The following CGREF1 variants were observed in gnomAD, a reference collection of about 807,000 sequenced individuals.
CGREF1 encodes the protein cell growth regulator with EF hand domain protein 1.
A neutral mutation model predicts 17.4 loss-of-function variants in CGREF1; 16 were observed. That is an observed-to-expected ratio of 0.92 (90% CI 0.62 to 1.40). The LOEUF (loss-of-function observed/expected upper bound fraction) is 1.40. CGREF1 is among the 40% of genes most tolerant of loss of function. The probability of loss-of-function intolerance (pLI) is 0.00; values close to 1 mark genes in which losing one functional copy is unlikely to be tolerated. For synonymous variants in CGREF1, 142 were observed against 154.6 expected, an observed-to-expected ratio of 0.92 and a Z score of 0.61; for missense variants, 296 against 376.4, an observed-to-expected ratio of 0.79 and a Z score of 1.77.
rs781507669 is a variant in CGREF1 at position 27,109,139 on chromosome 2, G to A, written c.-11-4762C>T. Among the ~76,000 whole-genome samples the A allele has an allele frequency of 2.4e-4, 37 of 152,130 alleles. 1 individual carries two copies. The highest frequency in any genetic ancestry group is 2.0e-3 in the Admixed American group (31 of 15,276). On this transcript the variant is annotated intron_variant, in intron 1 of 5. Transcript: ENST00000402394. ...AATCCCAGCACTTTGGGAAGCTGAG[G>A]TGGAAGGATCTCCTGAGCCCAGGAG...
At chr2:27,116,360 C>T (rs1187973600) in intron 1 of CGREF1, among the ~76,000 whole-genome samples, 1 of 151,892 alleles carries the variant, frequency 6.6e-6, no homozygotes, top group Non-Finnish European at 1.5e-5. Context: ...AACCCCATCT[C>T]TACTAAAAAT....
Position 27,100,723 on chromosome 2 carries a change from A to AAAT in CGREF1, c.*548_*550dup, listed in dbSNP as rs1277296336. ...TGGCTACAGAATTATTGTGAGGATA[A>AAAT]AATCATATATAAAATGCCCAGCATG... On this transcript the variant is annotated 3_prime_UTR_variant, in exon 6 of 6. Transcript: ENST00000402394. 2 of 1,135,264 alleles carry AAAT rather than the reference A, an allele frequency of 1.8e-6. No homozygotes were observed. Among genetic ancestry groups the AAAT allele is most frequent in the Non-Finnish European group, 2.2e-6 (2 of 893,518 alleles). The allele number at this position is 1,135,264 out of a possible 1,614,324, so 70.3% of individuals were successfully genotyped here. A position where few individuals can be genotyped will look rare whatever the true frequency, so the allele number is the denominator to read the frequency against.
At chr2:27,102,726 T>A in intron 2 of CGREF1, 135 bp from the exon 3 acceptor site, 2 of 1,046,542 alleles carry the variant, frequency 1.9e-6, no homozygotes, top group African/African-American at 3.2e-5. Flanking sequence ...CCAAAAACCC[T>A]GTAGTGGGGA....
chr2:27,101,991 GC>G, intron 5 of CGREF1, 103 bp from the exon 6 acceptor site: 1 of 1,560,928 alleles, frequency 6.4e-7, no homozygotes, highest in South Asian at 1.2e-5. Context: ...CAAGCTCTGA[GC>G]CCTCCTTTTA....
intron 1 of CGREF1, among the ~76,000 whole-genome samples, chr2:27,118,336 C>A (rs76588957): frequency 1.3e-5 from 2 of 152,152 alleles, no homozygotes; most frequent in African/African-American, 2.4e-5. Flanking sequence ...GAGTAGAATC[C>A]TCTCCCTTAA....
intron 2 of CGREF1, 101 bp from the exon 3 acceptor site, chr2:27,102,692 C>A: frequency 7.6e-7 from 1 of 1,319,450 alleles, no homozygotes; most frequent in Non-Finnish European, 1.0e-6. Context: ...CTCCCCAGAC[C>A]CAAAGGGAGT....
intron 1 of CGREF1, among the ~76,000 whole-genome samples, chr2:27,112,702 A>G (rs1671435375): frequency 6.6e-6 from 1 of 152,272 alleles, no homozygotes; most frequent in Admixed American, 6.5e-5. Flanking sequence ...CATTTAGGCA[A>G]TGGCTGAACA....
rs752243090 is a variant in CGREF1 at position 27,102,527 on chromosome 2, C to A, written c.145G>T (p.Gly49Ter). The A allele has an allele frequency of 1.4e-5, 22 of 1,614,042 alleles. No individual in the cohort carries two copies. Among genetic ancestry groups the A allele is most frequent in the Non-Finnish European group, 1.8e-5 (21 of 1,179,924 alleles). Residue 49 changes from glycine to a stop codon, truncating the protein, a stop_gained and splice_region_variant, in exon 3 of 6, where the codon GGA becomes TGA. Transcript: ENST00000402394. LOFTEE classifies it high-confidence loss of function. ...GCACCCCCGGCCCACCCTACTCACCCGAGCTGCTCCTGGCCTGGCTGGAAG... is the reference window on the plus strand; with the variant it reads ...GCACCCCCGGCCCACCCTACTCACCAGAGCTGCTCCTGGCCTGGCTGGAAG... ...NPFQPGQEQL[G>*]LLQSYLKGLG...
chr2:27,099,377 G>T (rs779921285), downstream of CGREF1: 3 of 1,611,850 alleles, frequency 1.9e-6, no homozygotes, highest in Non-Finnish European at 2.5e-6. Context: ...TGGCTGGGGG[G>T]ACGGGGTGGG....
intron 1 of CGREF1, among the ~76,000 whole-genome samples, chr2:27,111,562 G>A (rs1258461264): frequency 1.3e-5 from 2 of 152,218 alleles, no homozygotes; most frequent in Non-Finnish European, 2.9e-5. Flanking sequence ...CGTGGAGCAG[G>A]GGGTGGCGCT....
chr2:27,100,401 A>T (rs184162960), downstream of CGREF1: 1 of 1,284,824 alleles, frequency 7.8e-7, no homozygotes, highest in East Asian at 5.5e-5. Flanking sequence ...TGAAAGTCTC[A>T]CCCTTGGAGC....
Position 27,101,654 on chromosome 2 carries a change from C to T in CGREF1, c.577G>A (p.Gly193Ser), listed in dbSNP as rs1188610904. The change falls in exon 6 of 6, where the codon GGC (glycine) becomes AGC (serine). Residue 193 changes from glycine to serine, a missense_variant. This residue lies in a region of CGREF1 where 247 missense variants were observed against 267.2 expected (regional missense o/e 0.92). Transcript: ENST00000402394. ...GACTCCCTTCTGGCCTCTACCTGGC[C>T]CTTTGCTTCTTCTCTGGGACCAGGG... Reference protein sequence around the residue: ...EAPGPREEAKGQVEARRESLD... With the variant: ...EAPGPREEAKSQVEARRESLD... The T allele has an allele frequency of 2.2e-5, 36 of 1,614,100 alleles. No homozygotes were observed. Among genetic ancestry groups the T allele is most frequent in the Non-Finnish European group, 3.1e-5 (36 of 1,180,048 alleles).
downstream of CGREF1, chr2:27,099,515 T>G (rs1333441159): frequency 2.5e-6 from 4 of 1,614,048 alleles, no homozygotes; most frequent in South Asian, 4.4e-5. Flanking sequence ...CCACCCCGCG[T>G]GGTGGATACA....
At chr2:27,118,215 C>A (rs1049248285) in intron 1 of CGREF1, among the ~76,000 whole-genome samples, 1 of 152,126 alleles carries the variant, frequency 6.6e-6, no homozygotes, top group Non-Finnish European at 1.5e-5. Context: ...TCTTCCTCAG[C>A]AACCCTGTCA....
chr2:27,114,352 C>T (rs1343212490), intron 1 of CGREF1, among the ~76,000 whole-genome samples: 3 of 152,200 alleles, frequency 2.0e-5, no homozygotes, highest in East Asian at 1.9e-4. Context: ...TGGGGGGAGC[C>T]GTTCAGGCAT....
In CGREF1 at chr2:27,113,844, C is replaced by A. The variant is rs182392348; in HGVS notation, c.-12+5002G>T. 1.2e-4 allele frequency among the ~76,000 whole-genome samples: 18 copies of A among 152,274 alleles called. No individual in the cohort carries two copies. In the East Asian group the frequency reaches 3.5e-3, roughly 29 times the overall value. ...AGTGGCTTCACACACCCCCTTCCCA[C>A]CTGGCTCCTCTCAAATTGCTTTCTC... On this transcript the variant is annotated intron_variant, in intron 1 of 5. Transcript: ENST00000402394.
rs573946604 is a variant in CGREF1, at chr2:27,104,320, G to A, written c.47C>T (p.Thr16Met). 19 of 1,585,850 alleles carry A rather than the reference G, an allele frequency of 1.2e-5. No individual in the cohort carries two copies. The highest frequency in any genetic ancestry group is 1.1e-4 in the East Asian group (5 of 44,708). The change falls in exon 2 of 6, where the codon ACG becomes ATG. Residue 16 changes from threonine to methionine, a missense_variant. Transcript: ENST00000402394. ...MTVLILLLLP[T>M]GQAAPKDGVT... ...TCCATCCTTTGGGGCAGCCTGACCC[G>A]TGGGGAGCAGCAGCAGGATTAACAC... is the stretch of plus-strand genomic sequence containing the variant.
Position 27,101,666 on chromosome 2 carries a change from C to T in CGREF1, c.565G>A (p.Glu189Lys), listed in dbSNP as rs1192360965. Reference protein sequence around the residue: ...QETQEAPGPREEAKGQVEARR... With the variant: ...QETQEAPGPRKEAKGQVEARR... ...GCCTCTACCTGGCCCTTTGCTTCTT[C>T]TCTGGGACCAGGGGCTTCCTGTGTT... is the stretch of plus-strand genomic sequence containing the variant. Residue 189 changes from glutamate to lysine, a missense_variant, in exon 6 of 6, where the codon GAA becomes AAA. By Grantham distance (56) the Glu-to-Lys change is moderately conservative. Transcript: ENST00000402394. 1 of 1,614,126 alleles carries T rather than the reference C, an allele frequency of 6.2e-7. No individual in the cohort carries two copies. Among genetic ancestry groups the T allele is most frequent in the East Asian group, 2.2e-5 (1 of 44,888 alleles).
Position 27,102,390 on chromosome 2 carries a change from C to G in CGREF1, c.187G>C (p.Val63Leu). Residue 63 changes from valine (V) to leucine (L), a missense_variant, in exon 4 of 6, where the codon GTG (valine) becomes CTG (leucine). Transcript: ENST00000402394. ...SYLKGLGRTE[V>L]QLEHLSREQV... The stretch of plus-strand genomic sequence containing the variant: ...TCCCGGCTCAGATGCTCCAGTTGCA[C>G]TTCTGTCCTTCCTAGTCCCTTTAGG... The G allele has an allele frequency of 6.2e-7, 1 of 1,614,192 alleles. No individual in the cohort carries two copies. Among genetic ancestry groups the G allele is most frequent in the African/African-American group, 1.3e-5 (1 of 75,048 alleles).
Sources: allele counts gnomAD v4.1 joint callset (sites outside exome capture counted in the v4.1 genomes callset), GRCh38; gene constraint gnomAD v4.1.1; regional missense constraint gnomAD v4.1.1; transcripts MANE v1.5; gene names NCBI Gene and HGNC (gene_info 2026-07-23, HGNC 2026-07-21).